Variants in PIEZO2 observed in about 807,000 individuals in gnomAD.
PIEZO2 encodes piezo type mechanosensitive ion channel component 2.
Under a neutral mutation model 337.3 loss-of-function variants are expected in PIEZO2, and 172 were observed. That is an observed-to-expected ratio of 0.51 (90% CI 0.45 to 0.58). PIEZO2 has a LOEUF of 0.58. Ranked by LOEUF, PIEZO2 falls within the 20% of genes least tolerant of loss-of-function variation. The pLI, the probability that PIEZO2 is intolerant of heterozygous loss-of-function variation, is 0.00. For synonymous variants in PIEZO2, 1,251 were observed against 1,228.5 expected (o/e 1.02, Z -0.38); for missense variants, 3,028 against 3,391.3 (o/e 0.89, Z 2.66).
rs1568050873 is a variant in PIEZO2 at position 10,782,321 on chromosome 18, T to TATA, written c.2493-1956_2493-1955insTAT. 3.2e-5 allele frequency among the ~76,000 whole-genome samples: 3 copies of TATA among 94,728 alleles called. No homozygotes were observed. In the South Asian group the frequency reaches 9.0e-4, roughly 28 times the overall value. 62.1% of individuals were successfully genotyped at this position (94,728 alleles called of 152,430 possible). A position where few individuals can be genotyped will look rare whatever the true frequency, so the allele number is the denominator to read the frequency against. On this transcript the variant is annotated intron_variant, in intron 17 of 55. Transcript: ENST00000674853. ...TATATATAAATAATTATATAATATA[T>TATA]TATAATTATATATAAATAATTATAA...
intron 4 of PIEZO2, among the ~76,000 whole-genome samples, chr18:10,873,408 T>G (rs1001779794): frequency 6.6e-6 from 1 of 152,198 alleles, no homozygotes; most frequent in Non-Finnish European, 1.5e-5. Flanking sequence ...CTACGTTCAC[T>G]TTTATGCTTT....
intron 15 of PIEZO2, among the ~76,000 whole-genome samples, chr18:10,788,599 G>A (rs1349221613): frequency 6.6e-6 from 1 of 151,806 alleles, no homozygotes; most frequent in Non-Finnish European, 1.5e-5. Flanking sequence ...TTTTTTTAGA[G>A]ATGGCATCTT....
intron 2 of PIEZO2, among the ~76,000 whole-genome samples, chr18:10,986,523 C>T (rs763551869): frequency 5.9e-5 from 9 of 151,926 alleles, no homozygotes; most frequent in Non-Finnish European, 1.2e-4. Flanking sequence ...CAAAATTCAA[C>T]ATCTTTTCAT....
At position 10,970,657 on chromosome 18, in the gene PIEZO2, G is replaced by C. The variant is rs2034199654; in HGVS notation, c.286+8878C>G. 3.5e-5 allele frequency among the ~76,000 whole-genome samples: 4 copies of C among 115,660 alleles called. No individual in the cohort carries two copies. In the South Asian group the frequency reaches 1.2e-3, roughly 35 times the overall value. 75.9% of individuals were successfully genotyped at this position (115,660 alleles called of 152,430 possible). On this transcript the variant is annotated intron_variant, in intron 3 of 55. Coordinates refer to ENST00000674853, the MANE Select transcript of PIEZO2 (RefSeq NM_001378183.1). ...GAGCAAAACTTAGAACAAAAAAGAT[G>C]TTTCACACACACACACACACACACA...
rs1298490163 is a variant in PIEZO2, at chr18:10,878,519, T to C, written c.330-7104A>G. On this transcript the variant is annotated intron_variant, in intron 4 of 55. Coordinates refer to ENST00000674853, the MANE Select transcript of PIEZO2 (RefSeq NM_001378183.1). The surrounding 1 kb of genome is among the most constrained non-coding windows in gnomAD (Gnocchi z 4.3). ...CATTGTCAAAATTGGAAGCTATAACTCATTAAAACATATGTTCATAGTTAT... is the reference window on the plus strand; with the variant it reads ...CATTGTCAAAATTGGAAGCTATAACCCATTAAAACATATGTTCATAGTTAT... Among the ~76,000 whole-genome samples the C allele has an allele frequency of 6.6e-6, 1 of 152,194 alleles. No homozygotes were observed. Among genetic ancestry groups the C allele is most frequent in the Admixed American group, 6.5e-5 (1 of 15,276 alleles).
rs990365809 is a variant in PIEZO2 at position 10,726,479 on chromosome 18, C to A, written c.5029+4928G>T. ...ACCCCACGAGGAGGGCCTGGCCACC[C>A]TGCACAGCGTGCTGCTCCGCAAGCA... On this transcript the variant is annotated intron_variant, in intron 36 of 55. Transcript: ENST00000674853. This position sits in a 1 kb window ranked among gnomAD's most constrained non-coding sequence, Gnocchi z 5.9. 5.3e-6 allele frequency: 8 copies of A among 1,522,268 alleles called. No individual in the cohort carries two copies. Among genetic ancestry groups the A allele is most frequent in the African/African-American group, 1.4e-5 (1 of 72,538 alleles). 94.3% of individuals were successfully genotyped at this position (1,522,268 alleles called of 1,614,324 possible). A position where few individuals can be genotyped will look rare whatever the true frequency, so the allele number is the denominator to read the frequency against.
In PIEZO2 at chr18:11,038,345, T is replaced by C. The variant is rs1221678833; in HGVS notation, c.160+27782A>G. 6.6e-6 allele frequency among the ~76,000 whole-genome samples: 1 copy of C among 152,092 alleles called. No individual in the cohort carries two copies. Among genetic ancestry groups the C allele is most frequent in the Non-Finnish European group, 1.5e-5 (1 of 68,030 alleles). On this transcript the variant is annotated intron_variant, in intron 2 of 55. Transcript: ENST00000674853. This position sits in a 1 kb window ranked among gnomAD's most constrained non-coding sequence, Gnocchi z 4.1. ...GAGCAATATTATTTCTAAGTTGTAT[T>C]TTCCTTCCTTAATTTTTAACTCAAA...
intron 7 of PIEZO2, among the ~76,000 whole-genome samples, chr18:10,829,126 G>A (rs893198702): frequency 1.3e-5 from 2 of 151,764 alleles, no homozygotes; most frequent in South Asian, 2.1e-4. Flanking sequence ...TCATCTTCTC[G>A]GCGATCCCTG....
At chr18:10,902,016 AC>A (rs1376854165) in intron 4 of PIEZO2, among the ~76,000 whole-genome samples, 3 of 152,230 alleles carry the variant, frequency 2.0e-5, no homozygotes, top group Non-Finnish European at 4.4e-5. Context: ...GAGACGGGTC[AC>A]ACAGCAAGAG....
At chr18:11,030,177 A>C (rs1004800739) in intron 2 of PIEZO2, among the ~76,000 whole-genome samples, 2 of 152,314 alleles carry the variant, frequency 1.3e-5, no homozygotes, top group East Asian at 3.9e-4. Flanking sequence ...ATGGTAATAA[A>C]CACAACTAAG....
intron 27 of PIEZO2, among the ~76,000 whole-genome samples, chr18:10,753,226 C>A (rs1298249326): frequency 6.6e-6 from 1 of 152,168 alleles, no homozygotes; most frequent in South Asian, 2.1e-4. Flanking sequence ...ATACGGATGC[C>A]TTCTGGCTAG....
chr18:10,935,515 C>T (rs1425322989), intron 3 of PIEZO2, among the ~76,000 whole-genome samples: 2 of 152,142 alleles, frequency 1.3e-5, no homozygotes. Flanking sequence ...GTTCCTGGTA[C>T]TGTAGATAAA....
chr18:11,132,048 T>C lies in PIEZO2; in HGVS notation c.64+16477A>G, dbSNP rs1484725478. Reference sequence around the variant, plus strand: ...GCAGAGACCAATACTGAGCCCTCGATATGTCACCTTTCCTCAGGGTGATCA... The same window carrying C: ...GCAGAGACCAATACTGAGCCCTCGACATGTCACCTTTCCTCAGGGTGATCA... On this transcript the variant is annotated intron_variant, in intron 1 of 55. Coordinates refer to ENST00000674853, the MANE Select transcript of PIEZO2 (RefSeq NM_001378183.1). The surrounding 1 kb of genome is among the most constrained non-coding windows in gnomAD (Gnocchi z 4.7). Among the ~76,000 whole-genome samples the C allele has an allele frequency of 6.6e-6, 1 of 152,192 alleles. No individual in the cohort carries two copies. Among genetic ancestry groups the C allele is most frequent in the Non-Finnish European group, 1.5e-5 (1 of 68,028 alleles).
chr18:10,808,115 G>T (rs138636665), intron 7 of PIEZO2, among the ~76,000 whole-genome samples: 24 of 152,162 alleles, frequency 1.6e-4, no homozygotes, highest in African/African-American at 5.5e-4. Context: ...TTGAAATGGG[G>T]TCTCGCTCTG....
At position 11,078,065 on chromosome 18, in the gene PIEZO2, CA is replaced by C. The variant is rs2038609075; in HGVS notation, c.65-11844del. 1.3e-5 allele frequency among the ~76,000 whole-genome samples: 2 copies of C among 150,026 alleles called. No homozygotes were observed. The highest frequency in any genetic ancestry group is 1.3e-4 in the Admixed American group (2 of 15,028). On this transcript the variant is annotated intron_variant, in intron 1 of 55. Coordinates refer to ENST00000674853, the MANE Select transcript of PIEZO2 (RefSeq NM_001378183.1). This position sits in a 1 kb window ranked among gnomAD's most constrained non-coding sequence, Gnocchi z 5.3. Reference sequence around the variant, plus strand: ...ACACACCCACACACACACACACACACACCACACACACAAAAACAAACATACA... The same window carrying C: ...ACACACCCACACACACACACACACACCCACACACACAAAAACAAACATACA...
chr18:10,768,948 C>G (rs1298471849), intron 21 of PIEZO2, among the ~76,000 whole-genome samples: 6 of 152,212 alleles, frequency 3.9e-5, no homozygotes, highest in Non-Finnish European at 7.3e-5. Flanking sequence ...CCAATGCCCA[C>G]TCCCATCACC....
intron 1 of PIEZO2, among the ~76,000 whole-genome samples, chr18:11,081,111 C>T (rs2038722990): frequency 5.3e-5 from 8 of 152,164 alleles, no homozygotes. Context: ...AGTCATGAAC[C>T]TCTTTCTGCC....
intron 54 of PIEZO2, among the ~76,000 whole-genome samples, chr18:10,674,935 T>A (rs1405118075): frequency 6.6e-6 from 1 of 152,222 alleles, no homozygotes; most frequent in Non-Finnish European, 1.5e-5. Context: ...GAAACAAGTC[T>A]ATAATCTGAT....
chr18:10,886,217 A>G (rs1223856079), intron 4 of PIEZO2, among the ~76,000 whole-genome samples: 5 of 146,554 alleles, frequency 3.4e-5, no homozygotes, highest in African/African-American at 1.3e-4. Flanking sequence ...AGTAAAGACA[A>G]GACAACTGCA....
Sources: allele counts gnomAD v4.1 joint callset (sites outside exome capture counted in the v4.1 genomes callset), GRCh38; gene constraint gnomAD v4.1.1; non-coding constraint Gnocchi (gnomAD v3.1); transcripts MANE v1.5; gene names NCBI Gene and HGNC (gene_info 2026-07-23, HGNC 2026-07-21).